The following ATRX variants were observed in gnomAD, a reference collection of about 807,000 sequenced individuals.
The protein encoded by ATRX is chromatin remodeler ATRX.
A neutral mutation model predicts 172.6 loss-of-function variants in ATRX; 12 were observed. The ratio of observed to expected loss-of-function variants is 0.07; its 90% CI spans 0.04 to 0.11. The LOEUF (loss-of-function observed/expected upper bound fraction) is 0.11. ATRX is among the 10% of genes least tolerant of loss of function. The pLI, the probability that ATRX is intolerant of heterozygous loss-of-function variation, is 1.00. For synonymous variants in ATRX, 674 were observed against 594.7 expected, an observed-to-expected ratio of 1.13 and a Z score of -1.94; for missense variants, 1,368 against 1,767.4, an observed-to-expected ratio of 0.77 and a Z score of 4.05.
In ATRX at chrX:77,698,635, AAAG is replaced by A. The variant is rs2072322266; in HGVS notation, c.134-9_134-7del. 8.4e-7 allele frequency: 1 copy of A among 1,189,812 alleles called. No homozygotes were observed. The highest frequency in any genetic ancestry group is 1.1e-6 in the Non-Finnish European group (1 of 875,701). ...TCCAGAACCACTGATTTTATCTAAA[AAAG>A]AAGAAATAAAGAACATTATTTATCT... On this transcript the variant is annotated splice_polypyrimidine_tract_variant and splice_region_variant and intron_variant, in intron 2 of 34. Coordinates refer to ENST00000373344, the MANE Select transcript of ATRX (RefSeq NM_000489.6).
intron 30 of ATRX, 23 bp from the exon 31 acceptor site, chrX:77,523,424 G>A (rs2147763605): frequency 8.3e-7 from 1 of 1,198,735 alleles, no homozygotes; most frequent in Non-Finnish European, 1.1e-6. Context: ...GTTGAAATAA[G>A]AGACAATTAT....
intron 34 of ATRX, among the ~76,000 whole-genome samples, chrX:77,517,892 T>C (rs1192204651): frequency 3.6e-5 from 4 of 112,071 alleles, no homozygotes; most frequent in African/African-American, 1.3e-4. Context: ...ATGTGATACA[T>C]CAAATAACAG....
At chrX:77,538,382 C>G (rs2063835305) in intron 30 of ATRX, among the ~76,000 whole-genome samples, 1 of 110,572 alleles carries the variant, frequency 9.0e-6, no homozygotes, top group African/African-American at 3.3e-5. Flanking sequence ...AAGTCAAATA[C>G]TACATATTCT....
At chrX:77,764,988 C>G (rs1192077377) in intron 1 of ATRX, among the ~76,000 whole-genome samples, 1 of 111,096 alleles carries the variant, frequency 9.0e-6, no homozygotes, top group Non-Finnish European at 1.9e-5. Context: ...CCAGCCTCGC[C>G]GACATGGTGA....
chrX:77,749,422 T>A (rs1318433001), intron 1 of ATRX, among the ~76,000 whole-genome samples: 2 of 111,460 alleles, frequency 1.8e-5, no homozygotes, highest in African/African-American at 3.3e-5. Flanking sequence ...AACATACAAA[T>A]GTAGGTATCT....
chrX:77,641,584 GAAAAAAAAA>G (rs1218786048), intron 15 of ATRX, among the ~76,000 whole-genome samples: 2 of 32,778 alleles, frequency 6.1e-5, no homozygotes, highest in Non-Finnish European at 1.2e-4. Context: ...CTCCATCTCA[GAAAAAAAAA>G]AAAAAAAAAT....
intron 1 of ATRX, among the ~76,000 whole-genome samples, chrX:77,723,980 C>T (rs1213028890): frequency 1.8e-5 from 2 of 111,403 alleles, no homozygotes; most frequent in African/African-American, 6.5e-5. Context: ...AAAATAAAAT[C>T]AAGAGAGTAT....
In ATRX at chrX:77,716,110, A is replaced by ATTTTTTT. The variant is rs199639051; in HGVS notation, c.133+1014_133+1020dup. ...ACATAGCAAGACCATGTCTCTAAAA[A>ATTTTTTT]TTTTTTTTTTTTTTTTTTTTTTTTT... On this transcript the variant is annotated intron_variant, in intron 2 of 34. Transcript: ENST00000373344. Among the ~76,000 whole-genome samples, 87 of 54,365 alleles carry ATTTTTTT rather than the reference A, an allele frequency of 1.6e-3. 2 individuals are homozygous for ATTTTTTT. Among genetic ancestry groups the ATTTTTTT allele is most frequent in the East Asian group, 0.014 (21 of 1,546 alleles). 47.2% of individuals were successfully genotyped at this position (54,365 alleles called of 115,157 possible).
In ATRX at chrX:77,683,807, T is replaced by C. The variant is rs1472962089; in HGVS notation, c.1449A>G (p.Gln483=). The change falls in exon 9 of 35, where the codon CAA becomes CAG. Residue 483 remains glutamine (Q), a synonymous_variant. Coordinates refer to ENST00000373344, the MANE Select transcript of ATRX (RefSeq NM_000489.6). ...CACCACCGGTACTTTTATTTGTTCT[T>C]TGTTCCTCTGTTGGAACATTCTGAT... The part of the protein sequence containing the change: ...HMHQNVPTEE[Q]RTNKSTGGEH... 1.6e-5 allele frequency: 19 copies of C among 1,208,984 alleles called. No individual in the cohort carries two copies. Among genetic ancestry groups the C allele is most frequent in the Non-Finnish European group, 1.8e-5 (16 of 894,110 alleles).
chrX:77,688,190 CA>C (rs1386698433), intron 7 of ATRX, among the ~76,000 whole-genome samples: 1 of 111,267 alleles, frequency 9.0e-6, no homozygotes, highest in Non-Finnish European at 1.9e-5. Context: ...CCACCTGCCT[CA>C]GCATCCCAAA....
chrX:77,760,767 C>T (rs2075687258), intron 1 of ATRX, among the ~76,000 whole-genome samples: 1 of 111,445 alleles, frequency 9.0e-6, no homozygotes, highest in South Asian at 3.7e-4. Context: ...GCAAATATGA[C>T]ATAAGATTTT....
Position 77,508,255 on chromosome X carries a change from CTATT to C in ATRX, c.*92_*95del. The C allele has an allele frequency of 9.5e-7, 1 of 1,050,441 alleles. No individual in the cohort carries two copies. Among genetic ancestry groups the C allele is most frequent in the Non-Finnish European group, 1.3e-6 (1 of 767,335 alleles). 86.6% of individuals were successfully genotyped at this position (1,050,441 alleles called of 1,213,427 possible). A position where few individuals can be genotyped will look rare whatever the true frequency, so the allele number is the denominator to read the frequency against. ...AAGATTGGCATTTAAGGGGACCAAA[CTATT>C]TATACAGTTGAGTTCTGTTAAGTCA... On this transcript the variant is annotated 3_prime_UTR_variant, in exon 35 of 35. Coordinates refer to ENST00000373344, the MANE Select transcript of ATRX (RefSeq NM_000489.6).
intron 30 of ATRX, among the ~76,000 whole-genome samples, chrX:77,551,053 A>T (rs1215807505): frequency 9.0e-6 from 1 of 111,408 alleles, no homozygotes; most frequent in Non-Finnish European, 1.9e-5. Flanking sequence ...AGGTAATTTA[A>T]AGATTCAATG....
chrX:77,573,504 A>T (rs1486610029), intron 28 of ATRX, among the ~76,000 whole-genome samples: 2 of 111,923 alleles, frequency 1.8e-5, no homozygotes, highest in Admixed American at 9.5e-5. Flanking sequence ...ACACACACAA[A>T]TTGCCTTGTA....
chrX:77,705,379 T>C (rs2072760615), intron 2 of ATRX, among the ~76,000 whole-genome samples: 1 of 112,039 alleles, frequency 8.9e-6, no homozygotes, highest in African/African-American at 3.2e-5. Context: ...GCAGGGCTCC[T>C]GCTTGCCCCT....
intron 1 of ATRX, among the ~76,000 whole-genome samples, chrX:77,736,593 A>G (rs1352956330): frequency 1.8e-5 from 2 of 112,798 alleles, no homozygotes; most frequent in Non-Finnish European, 3.7e-5. Flanking sequence ...TGTAAAGAAA[A>G]GAAAATCCTC....
chrX:77,694,754 C>G (rs781996011), intron 5 of ATRX, among the ~76,000 whole-genome samples: 23 of 109,312 alleles, frequency 2.1e-4, no homozygotes, highest in Admixed American at 4.9e-4. Flanking sequence ...GGCTTAGTAA[C>G]TGGCTATCAT....
At chrX:77,509,227 C>G (rs781840283) in intron 34 of ATRX, among the ~76,000 whole-genome samples, 1 of 111,762 alleles carries the variant, frequency 8.9e-6, no homozygotes, top group South Asian at 3.7e-4. Context: ...AATACAGTAC[C>G]CTTTTAAAGA....
At chrX:77,607,965 A>G (rs2066987698) in intron 22 of ATRX, among the ~76,000 whole-genome samples, 1 of 111,182 alleles carries the variant, frequency 9.0e-6, no homozygotes, top group South Asian at 3.8e-4. Context: ...GAACCACGAA[A>G]GACCCAGAAT....
Sources: gnomAD v4.1 joint callset for allele counts (sites outside exome capture counted in the v4.1 genomes callset) on GRCh38, gnomAD v4.1.1 for gene constraint, MANE v1.5 for transcripts, NCBI Gene and HGNC (gene_info 2026-07-23, HGNC 2026-07-21) for gene names.